The following NCKAP1L variants were observed in gnomAD, a reference collection of about 807,000 sequenced individuals.
The protein encoded by NCKAP1L is nck-associated protein 1-like.
A neutral mutation model predicts 139.2 loss-of-function variants in NCKAP1L; 53 were observed. That is an observed-to-expected ratio of 0.38 (90% CI 0.31 to 0.48). The LOEUF is 0.48. NCKAP1L is among the 20% of genes least tolerant of loss of function. The pLI is 0.98. For missense variants in NCKAP1L, 1,151 were observed against 1,381.9 expected (o/e 0.83, Z 2.65); for synonymous variants, 468 against 499.7 (o/e 0.94, Z 0.85).
rs1305656654 is a variant in NCKAP1L at position 54,547,849 on chromosome 12, C to T, written c.*5164C>T. 2 of 152,170 alleles carry T rather than the reference C, an allele frequency of 1.3e-5. No homozygotes were observed. Among genetic ancestry groups the T allele is most frequent in the Non-Finnish European group, 2.9e-5 (2 of 68,056 alleles). The allele number at this position is 152,170 out of a possible 1,614,324, so 9.4% of individuals were successfully genotyped here. A position where few individuals can be genotyped will look rare whatever the true frequency, so the allele number is the denominator to read the frequency against. On this transcript the variant is annotated 3_prime_UTR_variant, in exon 31 of 31. Coordinates refer to ENST00000293373, the MANE Select transcript of NCKAP1L (RefSeq NM_005337.5). ...AGGAGTGTGACTAGGGTCTCAGATG[C>T]AGCCATTTCTTGGCTGGGTCTGGGG...
intron 14 of NCKAP1L, 41 bp from the exon 15 acceptor site, chr12:54,518,873 G>A: frequency 6.4e-7 from 1 of 1,561,068 alleles, no homozygotes; most frequent in Non-Finnish European, 8.8e-7. Flanking sequence ...ATATTGGTGT[G>A]CTGTTTATTG....
At chr12:54,531,700 C>G in intron 24 of NCKAP1L, 43 bp from the exon 25 acceptor site, 3 of 1,603,884 alleles carry the variant, frequency 1.9e-6, no homozygotes, top group Non-Finnish European at 2.6e-6. Flanking sequence ...CATCACCAAT[C>G]CCTCTCTAAA....
intron 5 of NCKAP1L, among the ~76,000 whole-genome samples, chr12:54,508,808 G>A (rs1483705734): frequency 6.6e-6 from 1 of 152,094 alleles, no homozygotes; most frequent in Non-Finnish European, 1.5e-5. Context: ...CCTTAACAGA[G>A]GGCTGACTTT....
chr12:54,519,564 C>G (rs1377982494), intron 16 of NCKAP1L, among the ~76,000 whole-genome samples: 1 of 151,682 alleles, frequency 6.6e-6, no homozygotes, highest in East Asian at 1.9e-4. Context: ...CCACCAAGCT[C>G]TGAACCAGAG....
intron 5 of NCKAP1L, 44 bp downstream of exon 5, chr12:54,508,575 T>G: frequency 6.3e-7 from 1 of 1,594,820 alleles, no homozygotes; most frequent in East Asian, 2.2e-5. Context: ...TCATACATGG[T>G]GCTATGATGT....
intron 9 of NCKAP1L, among the ~76,000 whole-genome samples, chr12:54,514,712 T>C (rs1451135080): frequency 6.6e-6 from 1 of 152,202 alleles, no homozygotes; most frequent in Non-Finnish European, 1.5e-5. Context: ...TAATAGCTCT[T>C]ACCAAATTGT....
In NCKAP1L at chr12:54,546,747, TC is replaced by T. The variant is rs1366427569; in HGVS notation, c.*4065del. On this transcript the variant is annotated 3_prime_UTR_variant, in exon 31 of 31. Coordinates refer to ENST00000293373, the MANE Select transcript of NCKAP1L (RefSeq NM_005337.5). ...CACCTCAATGAGTTGTCAAGTACTC[TC>T]CCTCCCACTTGAATAGGAAGCAGGA... is the stretch of plus-strand genomic sequence containing the variant. 1 of 152,294 alleles carries T rather than the reference TC, an allele frequency of 6.6e-6. No homozygotes were observed. Among genetic ancestry groups the T allele is most frequent in the Non-Finnish European group, 1.5e-5 (1 of 68,164 alleles). The allele number at this position is 152,294 out of a possible 1,614,324, so 9.4% of individuals were successfully genotyped here.
chr12:54,498,076 T>C (rs1956764919), intron 1 of NCKAP1L, among the ~76,000 whole-genome samples, 185 bp downstream of exon 1: 2 of 152,154 alleles, frequency 1.3e-5, no homozygotes, highest in African/African-American at 4.8e-5. Flanking sequence ...TGGAGGCTTC[T>C]TTTCAAGGCT....
intron 29 of NCKAP1L, among the ~76,000 whole-genome samples, chr12:54,537,411 C>G (rs1338838460): frequency 6.6e-6 from 1 of 152,138 alleles, no homozygotes; most frequent in Non-Finnish European, 1.5e-5. Context: ...CCCATGAATT[C>G]AGATTAAACC....
At chr12:54,519,792 T>C (rs1956967339) in intron 16 of NCKAP1L, among the ~76,000 whole-genome samples, 1 of 152,194 alleles carries the variant, frequency 6.6e-6, no homozygotes, top group African/African-American at 2.4e-5. Context: ...GAAAGCCATT[T>C]GGATTTTACA....
chr12:54,535,282 C>CT (rs1441576797), intron 27 of NCKAP1L, 85 bp downstream of exon 27: 2 of 1,022,308 alleles, frequency 2.0e-6, no homozygotes, highest in East Asian at 4.9e-5. Context: ...TCAAAGAAGC[C>CT]TTTATTTGAG....
chr12:54,500,710 C>G (rs1956791174), intron 3 of NCKAP1L, 85 bp downstream of exon 3: 2 of 882,924 alleles, frequency 2.3e-6, no homozygotes, highest in Admixed American at 4.2e-5. Flanking sequence ...TTGCTTAAAA[C>G]AAGTTCTTGA....
At chr12:54,506,796 A>AATATATATATATATATATATAT (rs1171488876) in intron 3 of NCKAP1L, among the ~76,000 whole-genome samples, 34 of 50,592 alleles carry the variant, frequency 6.7e-4, no homozygotes, top group South Asian at 1.2e-3. Context: ...AAAAAAAAAA[A>AATATATATATATATATATATAT]ATATATATAT....
intron 22 of NCKAP1L, among the ~76,000 whole-genome samples, chr12:54,528,703 G>A (rs760969875): frequency 2.0e-5 from 3 of 151,300 alleles, no homozygotes; most frequent in East Asian, 1.9e-4. Flanking sequence ...TTGGCTCACC[G>A]CAACCTGCGC....
rs572108618 is a variant in NCKAP1L, at chr12:54,538,055, A to G, written c.3184-829A>G. ...CCCCTCTGCCTGCTTGAGCATTCTC[A>G]GTAACAAAGAGCTTATTTCTTTGCA... On this transcript the variant is annotated intron_variant, in intron 29 of 30. Transcript: ENST00000293373. Among the ~76,000 whole-genome samples the G allele has an allele frequency of 8.5e-5, 13 of 152,290 alleles. No homozygotes were observed. In the South Asian group the frequency reaches 2.3e-3, roughly 27 times the overall value.
intron 20 of NCKAP1L, among the ~76,000 whole-genome samples, chr12:54,526,154 A>G (rs149485967): frequency 9.2e-5 from 14 of 152,316 alleles, no homozygotes; most frequent in African/African-American, 3.4e-4. Flanking sequence ...GGGAATGCAG[A>G]GGGTGTGAAC....
rs79229532 is a variant in NCKAP1L, at chr12:54,537,337, T to G, written c.3183+284T>G. Among the ~76,000 whole-genome samples, 751 of 152,324 alleles carry G rather than the reference T, an allele frequency of 4.9e-3. 3 individuals are homozygous for G. The highest frequency in any genetic ancestry group is 6.8e-3 in the Non-Finnish European group (461 of 68,022). On this transcript the variant is annotated intron_variant, in intron 29 of 30. Coordinates refer to ENST00000293373, the MANE Select transcript of NCKAP1L (RefSeq NM_005337.5). ...TCTGCCATTAAGTAGTTGTGTGACCTCTGAAGTGCCAAGATTTTGGGGCCA... is the reference window on the plus strand; with the variant it reads ...TCTGCCATTAAGTAGTTGTGTGACCGCTGAAGTGCCAAGATTTTGGGGCCA...
Position 54,548,122 on chromosome 12 carries a change from TCTGA to T in NCKAP1L, c.*5441_*5444del, listed in dbSNP as rs967320810. 1 of 152,218 alleles carries T rather than the reference TCTGA, an allele frequency of 6.6e-6. No homozygotes were observed. Among genetic ancestry groups the T allele is most frequent in the African/African-American group, 2.4e-5 (1 of 41,452 alleles). 9.4% of individuals were successfully genotyped at this position (152,218 alleles called of 1,614,324 possible). A position where few individuals can be genotyped will look rare whatever the true frequency, so the allele number is the denominator to read the frequency against. On this transcript the variant is annotated 3_prime_UTR_variant, in exon 31 of 31. Coordinates refer to ENST00000293373, the MANE Select transcript of NCKAP1L (RefSeq NM_005337.5). Reference sequence around the variant, plus strand: ...TTCCATTTCACTTCTTTTCTCCTTCTCTGACTGGGAGAGGAGGAGCCTCCACTCA... The same window carrying T: ...TTCCATTTCACTTCTTTTCTCCTTCTCTGGGAGAGGAGGAGCCTCCACTCA...
At chr12:54,511,628 A>G (rs1956890524) in intron 7 of NCKAP1L, among the ~76,000 whole-genome samples, 175 bp from the exon 8 acceptor site, 1 of 152,152 alleles carries the variant, frequency 6.6e-6, no homozygotes, top group South Asian at 2.1e-4. Flanking sequence ...GCTGGTCTTG[A>G]ACTCCTGGCC....
Sources: allele counts gnomAD v4.1 joint callset (sites outside exome capture counted in the v4.1 genomes callset), GRCh38; gene constraint gnomAD v4.1.1; transcripts MANE v1.5; gene names NCBI Gene and HGNC (gene_info 2026-07-23, HGNC 2026-07-21).